The following ANKS1A variants were observed in gnomAD, a reference collection of about 807,000 sequenced individuals.
ANKS1A encodes ankyrin repeat and SAM domain-containing protein 1A.
ANKS1A carries 55 observed loss-of-function variants against 120.3 expected under a neutral mutation model. The observed-to-expected ratio is 0.46, with a 90% CI of 0.37 to 0.57. The LOEUF is 0.57. ANKS1A is among the 20% of genes least tolerant of loss of function. ANKS1A has a pLI of 0.00. For synonymous variants in ANKS1A, 590 were observed against 604.7 expected, an observed-to-expected ratio of 0.98 and a Z score of 0.36; for missense variants, 1,123 against 1,480.3, an observed-to-expected ratio of 0.76 and a Z score of 3.96.
At chr6:35,035,006 G>A (rs1160386346) in intron 11 of ANKS1A, among the ~76,000 whole-genome samples, 2 of 152,272 alleles carry the variant, frequency 1.3e-5, no homozygotes, top group African/African-American at 2.4e-5. Flanking sequence ...TTACCCGCGA[G>A]TAAGTGGCAA....
intron 1 of ANKS1A, among the ~76,000 whole-genome samples, chr6:34,954,839 TG>T (rs1314917545): frequency 4.6e-5 from 7 of 152,246 alleles, no homozygotes; most frequent in Non-Finnish European, 1.0e-4. Flanking sequence ...TTTCTTCTTC[TG>T]GTGTTTCCTC....
At chr6:35,070,540 A>G (rs1777029924) in intron 13 of ANKS1A, among the ~76,000 whole-genome samples, 1 of 129,450 alleles carries the variant, frequency 7.7e-6, no homozygotes, top group Non-Finnish European at 1.5e-5. Flanking sequence ...CCCAGGCTAG[A>G]GTACAGTGGT....
intron 10 of ANKS1A, among the ~76,000 whole-genome samples, chr6:35,003,683 C>T (rs547132405): frequency 5.9e-5 from 9 of 152,264 alleles, no homozygotes; most frequent in Admixed American, 6.5e-5. Flanking sequence ...AAAGCCTCAT[C>T]GCTACCTTAG....
chr6:34,944,836 T>C (rs1201926796), intron 1 of ANKS1A, among the ~76,000 whole-genome samples: 1 of 152,318 alleles, frequency 6.6e-6, no homozygotes, highest in Middle Eastern at 3.4e-3. Context: ...TTATCAGAAA[T>C]GATTTTACAA....
At chr6:34,904,445 AATT>A (rs1410568173) in intron 1 of ANKS1A, among the ~76,000 whole-genome samples, 1 of 152,114 alleles carries the variant, frequency 6.6e-6, no homozygotes, top group African/African-American at 2.4e-5. Flanking sequence ...TTAAAAAAAA[AATT>A]ATGGGCTGGG....
At chr6:34,992,643 C>G (rs1772637828) in intron 9 of ANKS1A, among the ~76,000 whole-genome samples, 1 of 152,142 alleles carries the variant, frequency 6.6e-6, no homozygotes, top group African/African-American at 2.4e-5. Flanking sequence ...GCTTAATGGT[C>G]CCTCTTTGTT....
chr6:35,082,740 C>T lies in ANKS1A; in HGVS notation c.2759C>T (p.Ala920Val), dbSNP rs1448780155. ...ACCCTGCGGCCCCCGAGCCTGGCAG[C>T]CCCCTACGCCCCAGTGCAGAGTTGG... ...KLTLRPPSLA[A>V]PYAPVQSWQH... Residue 920 changes from alanine to valine, a missense_variant, in exon 18 of 24, where the codon GCC becomes GTC. This residue lies in a region of ANKS1A where 904 missense variants were observed against 1,130.4 expected (regional missense o/e 0.80). Transcript: ENST00000360359. The surrounding 1 kb of genome is among the most constrained non-coding windows in gnomAD (Gnocchi z 4.1). 1 of 1,613,230 alleles carries T rather than the reference C, an allele frequency of 6.2e-7. No individual in the cohort carries two copies. The highest frequency in any genetic ancestry group is 1.1e-5 in the South Asian group (1 of 91,028).
At chr6:35,035,001 C>T (rs1429352102) in intron 11 of ANKS1A, among the ~76,000 whole-genome samples, 1 of 152,218 alleles carries the variant, frequency 6.6e-6, no homozygotes, top group Admixed American at 6.5e-5. Context: ...ACTCATTACC[C>T]GCGAGTAAGT....
chr6:35,090,492 C>T lies in ANKS1A; in HGVS notation c.*1883C>T. 2.2e-5 allele frequency: 24 copies of T among 1,091,694 alleles called. No homozygotes were observed. Among genetic ancestry groups the T allele is most frequent in the Non-Finnish European group, 2.7e-5 (24 of 891,080 alleles). The allele number at this position is 1,091,694 out of a possible 1,614,324, so 67.6% of individuals were successfully genotyped here. ...CTTAGATCATCCATAGGTGTTTCTT[C>T]TGCTTGAAGCTGCTATATCATCTTT... On this transcript the variant is annotated 3_prime_UTR_variant, in exon 24 of 24. Transcript: ENST00000360359.
chr6:34,976,257 C>T (rs1482246493), intron 3 of ANKS1A, among the ~76,000 whole-genome samples: 1 of 151,758 alleles, frequency 6.6e-6, no homozygotes, highest in Non-Finnish European at 1.5e-5. Flanking sequence ...CTTTTGAGTG[C>T]TAAGTTCTAT....
intron 3 of ANKS1A, among the ~76,000 whole-genome samples, chr6:34,981,410 C>G (rs1242484903): frequency 2.0e-5 from 3 of 152,158 alleles, no homozygotes; most frequent in African/African-American, 4.8e-5. Context: ...CTTGTTCACT[C>G]TCCTTACAAC....
chr6:35,079,033 G>C (rs1214677450), intron 14 of ANKS1A, among the ~76,000 whole-genome samples: 3 of 152,180 alleles, frequency 2.0e-5, no homozygotes, highest in Admixed American at 1.3e-4. Flanking sequence ...CTGGCACCGG[G>C]CCCCTCCCCG....
chr6:35,047,980 G>A (rs1438443833), intron 11 of ANKS1A, among the ~76,000 whole-genome samples: 3 of 152,220 alleles, frequency 2.0e-5, no homozygotes, highest in Non-Finnish European at 4.4e-5. Flanking sequence ...GTTGCGGGGT[G>A]TGAGGTGCTT....
chr6:35,006,032 C>T, intron 10 of ANKS1A, among the ~76,000 whole-genome samples: 1 of 151,862 alleles, frequency 6.6e-6, no homozygotes, highest in Admixed American at 6.6e-5. Context: ...ACTAAAAATA[C>T]AAAAAATTAG....
chr6:34,968,429 GTTTT>G (rs1388110521), intron 2 of ANKS1A, among the ~76,000 whole-genome samples: 1 of 151,888 alleles, frequency 6.6e-6, no homozygotes, highest in Non-Finnish European at 1.5e-5. Flanking sequence ...CAGCAGTGTC[GTTTT>G]TTTGTTTTTG....
intron 13 of ANKS1A, among the ~76,000 whole-genome samples, chr6:35,076,999 G>A (rs1777396700): frequency 6.6e-6 from 1 of 152,156 alleles, no homozygotes; most frequent in Non-Finnish European, 1.5e-5. Flanking sequence ...CTTTGGAAAT[G>A]CTAGATAGAT....
rs1308936694 is a variant in ANKS1A, at chr6:35,089,699, G to C, written c.*1090G>C. On this transcript the variant is annotated 3_prime_UTR_variant, in exon 24 of 24. Coordinates refer to ENST00000360359, the MANE Select transcript of ANKS1A (RefSeq NM_015245.3). ...GCCTTTGGGGCAGGCTGGCATCCCGGTGCGCCTCTGCTTCTTAAGCTTTCC... is the reference window on the plus strand; with the variant it reads ...GCCTTTGGGGCAGGCTGGCATCCCGCTGCGCCTCTGCTTCTTAAGCTTTCC... 1 of 992,620 alleles carries C rather than the reference G, an allele frequency of 1.0e-6. No individual in the cohort carries two copies. Among genetic ancestry groups the C allele is most frequent in the African/African-American group, 1.7e-5 (1 of 57,340 alleles). 61.5% of individuals were successfully genotyped at this position (992,620 alleles called of 1,614,324 possible). A position where few individuals can be genotyped will look rare whatever the true frequency, so the allele number is the denominator to read the frequency against.
chr6:35,072,535 T>A (rs1410405710), intron 13 of ANKS1A, among the ~76,000 whole-genome samples: 5 of 152,222 alleles, frequency 3.3e-5, no homozygotes, highest in African/African-American at 1.2e-4. Flanking sequence ...CCAGGCTGGC[T>A]TCTTCCAGAG....
At chr6:34,919,476 T>G (rs1768328845) in intron 1 of ANKS1A, among the ~76,000 whole-genome samples, 1 of 152,216 alleles carries the variant, frequency 6.6e-6, no homozygotes, top group South Asian at 2.1e-4. Context: ...TGCAATTCCC[T>G]TGAACCTGGG....
Sources: gnomAD v4.1 joint callset for allele counts (sites outside exome capture counted in the v4.1 genomes callset) on GRCh38, gnomAD v4.1.1 for gene constraint, gnomAD v4.1.1 regional missense constraint, Gnocchi (gnomAD v3.1) non-coding constraint, MANE v1.5 for transcripts, NCBI Gene and HGNC (gene_info 2026-07-23, HGNC 2026-07-21) for gene names.